RASGRF2: variants seen among roughly 807,000 people sequenced by gnomAD.
The protein encoded by RASGRF2 is ras-specific guanine nucleotide-releasing factor 2.
Under a neutral mutation model 151.0 loss-of-function variants are expected in RASGRF2, and 76 were observed. The observed-to-expected ratio is 0.50, with a 90% CI of 0.42 to 0.61. RASGRF2 has a LOEUF of 0.61. Ranked by LOEUF, RASGRF2 falls within the 20% of genes least tolerant of loss-of-function variation. RASGRF2 has a pLI of 0.00. For missense variants in RASGRF2, 1,148 were observed against 1,564.6 expected, an observed-to-expected ratio of 0.73 and a Z score of 4.49; for synonymous variants, 504 against 566.5, an observed-to-expected ratio of 0.89 and a Z score of 1.57.
At chr5:81,053,200 T>C (rs1393857332) in intron 2 of RASGRF2, among the ~76,000 whole-genome samples, 1 of 151,892 alleles carries the variant, frequency 6.6e-6, no homozygotes, top group Non-Finnish European at 1.5e-5. Context: ...TATGTATACA[T>C]GTGCCATGTT....
intron 17 of RASGRF2, among the ~76,000 whole-genome samples, chr5:81,162,788 T>A (rs2112642098): frequency 6.6e-6 from 1 of 152,292 alleles, no homozygotes; most frequent in East Asian, 1.9e-4. Flanking sequence ...GAGCACTGGG[T>A]GTTTGTCACG....
At chr5:81,057,492 T>C (rs1751261051) in intron 2 of RASGRF2, among the ~76,000 whole-genome samples, 1 of 152,226 alleles carries the variant, frequency 6.6e-6, no homozygotes, top group Admixed American at 6.5e-5. Context: ...ATTTGAATGT[T>C]TCCTTTTCTC....
chr5:81,204,493 A>T (rs1755463365), intron 19 of RASGRF2, among the ~76,000 whole-genome samples: 1 of 152,122 alleles, frequency 6.6e-6, no homozygotes, highest in African/African-American at 2.4e-5. Context: ...TCCCTGACTC[A>T]CAGTCTCACA....
intron 4 of RASGRF2, among the ~76,000 whole-genome samples, chr5:81,071,941 A>G (rs1751789753): frequency 6.6e-6 from 1 of 152,176 alleles, no homozygotes. Flanking sequence ...TTTTAAAAAT[A>G]TTTCTGTTAA....
intron 1 of RASGRF2, among the ~76,000 whole-genome samples, chr5:80,994,094 T>A (rs1580176834): frequency 6.6e-6 from 1 of 152,038 alleles, no homozygotes; most frequent in Non-Finnish European, 1.5e-5. Context: ...CAGGGCCCCC[T>A]GCGAAGTACA....
chr5:81,080,503 C>G (rs977522337), intron 6 of RASGRF2, 93 bp from the exon 7 acceptor site: 1 of 1,308,452 alleles, frequency 7.6e-7, no homozygotes, highest in Admixed American at 1.9e-5. Context: ...TGTGTGACAC[C>G]TGGTGCTGGG....
Position 80,983,426 on chromosome 5 carries a change from C to T in RASGRF2, c.288+22400C>T, listed in dbSNP as rs1580166530. On this transcript the variant is annotated intron_variant, in intron 1 of 26. Transcript: ENST00000265080. The stretch of plus-strand genomic sequence containing the variant: ...GATCTGGTGAAACTGATGGCAGCAG[C>T]CCTGCCCACCCTAAGGGCAGCTGCT... 2.6e-5 allele frequency among the ~76,000 whole-genome samples: 4 copies of T among 152,228 alleles called. No individual in the cohort carries two copies. The South Asian group carries it at 8.3e-4, about 32-fold the overall frequency.
rs113474074 is a variant in RASGRF2, at chr5:81,128,641, G to A, written c.2686+1478G>A. Among the ~76,000 whole-genome samples, 1,154 of 152,246 alleles carry A rather than the reference G, an allele frequency of 7.6e-3. 18 individuals are homozygous for A. The highest frequency in any genetic ancestry group is 0.026 in the African/African-American group (1,081 of 41,532). On this transcript the variant is annotated intron_variant, in intron 17 of 26. Transcript: ENST00000265080. ...GAGGGCTTGTGGAGTGCGGGGAGCC[G>A]AGCGGTGCAGCTATTGCTTTAGCTG...
chr5:81,172,566 T>A (rs1382740253), intron 17 of RASGRF2, among the ~76,000 whole-genome samples: 1 of 152,012 alleles, frequency 6.6e-6, no homozygotes, highest in Non-Finnish European at 1.5e-5. Context: ...AACACACTTA[T>A]AGAAAGGTAA....
At position 81,158,841 on chromosome 5, in the gene RASGRF2, G is replaced by A. The variant is rs894299373; in HGVS notation, c.2687-21334G>A. The stretch of plus-strand genomic sequence containing the variant: ...ACCCTCATACATTACTGGTGGGAAC[G>A]TAAAATGGTACAGCCACTTGGAAAA... On this transcript the variant is annotated intron_variant, in intron 17 of 26. Coordinates refer to ENST00000265080, the MANE Select transcript of RASGRF2 (RefSeq NM_006909.3). 1.3e-4 allele frequency among the ~76,000 whole-genome samples: 20 copies of A among 152,266 alleles called. No individual in the cohort carries two copies. In the East Asian group the frequency reaches 1.7e-3, roughly 13 times the overall value.
chr5:80,986,893 A>G (rs771141127), intron 1 of RASGRF2, among the ~76,000 whole-genome samples: 2 of 152,124 alleles, frequency 1.3e-5, no homozygotes, highest in Non-Finnish European at 2.9e-5. Flanking sequence ...TAACTGCTAG[A>G]TAATCCACCC....
intron 18 of RASGRF2, among the ~76,000 whole-genome samples, chr5:81,182,681 G>A (rs972861264): frequency 5.3e-5 from 8 of 152,094 alleles, no homozygotes; most frequent in South Asian, 2.1e-4. Flanking sequence ...CACAGTCTTC[G>A]GGCCTCATTG....
Position 81,172,795 on chromosome 5 carries a change from G to A in RASGRF2, c.2687-7380G>A, listed in dbSNP as rs149431434. On this transcript the variant is annotated intron_variant, in intron 17 of 26. Transcript: ENST00000265080. ...TGCAAGGATTTGTTTGGGGGCCCTC[G>A]GATAGAAACTTCCTCTATCTTCAGT... is the stretch of plus-strand genomic sequence containing the variant. Among the ~76,000 whole-genome samples, 713 of 152,090 alleles carry A rather than the reference G, an allele frequency of 4.7e-3. 2 individuals carry two copies. The highest frequency in any genetic ancestry group is 0.01 in the Admixed American group (154 of 15,282).
At chr5:81,165,308 G>A (rs2112646849) in intron 17 of RASGRF2, among the ~76,000 whole-genome samples, 1 of 152,280 alleles carries the variant, frequency 6.6e-6, no homozygotes, top group South Asian at 2.1e-4. Flanking sequence ...AGCAGTCTGT[G>A]TTGGTCTATT....
At chr5:81,103,122 A>G (rs1752745725) in intron 12 of RASGRF2, among the ~76,000 whole-genome samples, 1 of 152,150 alleles carries the variant, frequency 6.6e-6, no homozygotes, top group African/African-American at 2.4e-5. Flanking sequence ...CCTGTCAAAG[A>G]ACCACGTAGA....
chr5:81,035,981 C>T (rs1383352356), intron 1 of RASGRF2, among the ~76,000 whole-genome samples: 1 of 151,984 alleles, frequency 6.6e-6, no homozygotes, highest in African/African-American at 2.4e-5. Context: ...CACAGAAAAA[C>T]AACAACAATA....
At chr5:81,208,057 T>G (rs147248183) in intron 21 of RASGRF2, among the ~76,000 whole-genome samples, 1 of 152,236 alleles carries the variant, frequency 6.6e-6, no homozygotes, top group Non-Finnish European at 1.5e-5. Flanking sequence ...TTATTTCCCT[T>G]GTGTTGGTTC....
At chr5:81,059,759 G>T (rs1751358744) in intron 2 of RASGRF2, among the ~76,000 whole-genome samples, 1 of 151,908 alleles carries the variant, frequency 6.6e-6, no homozygotes, top group African/African-American at 2.4e-5. Flanking sequence ...GCAGAGAATT[G>T]CTTGAACCCA....
At chr5:81,132,484 A>T (rs1580346396) in intron 17 of RASGRF2, among the ~76,000 whole-genome samples, 1 of 152,278 alleles carries the variant, frequency 6.6e-6, no homozygotes, top group East Asian at 1.9e-4. Context: ...TTTTGTGTTT[A>T]GTATCACTTT....
Sources: gnomAD v4.1 joint callset for allele counts (sites outside exome capture counted in the v4.1 genomes callset) on GRCh38, gnomAD v4.1.1 for gene constraint, MANE v1.5 for transcripts, NCBI Gene and HGNC (gene_info 2026-07-23, HGNC 2026-07-21) for gene names.